UBXN8: variants seen among roughly 807,000 people sequenced by gnomAD.
UBXN8 encodes UBX domain protein 8, also known as UBX domain-containing protein 8.
A neutral mutation model predicts 32.1 loss-of-function variants in UBXN8; 27 were observed. The observed-to-expected ratio is 0.84, with a 90% confidence interval of 0.62 to 1.16. The LOEUF (loss-of-function observed/expected upper bound fraction) is 1.16. Among genes scored for constraint, UBXN8 ranks in the 50% most tolerant of loss-of-function variants. The pLI is 0.00. For synonymous variants in UBXN8, 109 were observed against 111.8 expected, an observed-to-expected ratio of 0.98 and a Z score of 0.16; for missense variants, 306 against 311.4, an observed-to-expected ratio of 0.98 and a Z score of 0.13.
chr8:30,736,028 TAAA>T (rs1805063517), intron 1 of UBXN8, among the ~76,000 whole-genome samples: 2 of 152,196 alleles, frequency 1.3e-5, no homozygotes, highest in Admixed American at 1.3e-4. Context: ...GGTTGCTCAA[TAAA>T]ATTTTTCATG....
chr8:30,760,436 TA>T (rs1260686806), intron 5 of UBXN8, among the ~76,000 whole-genome samples: 81 of 45,292 alleles, frequency 1.8e-3, no homozygotes, highest in African/African-American at 7.4e-3. Context: ...TATATATATA[TA>T]TATATATTTT....
At chr8:30,729,835 G>A (rs775969681), upstream of UBXN8, among the ~76,000 whole-genome samples, 2 of 152,202 alleles carry the variant, frequency 1.3e-5, no homozygotes, top group Non-Finnish European at 2.9e-5. Context: ...AAGGTAACTG[G>A]TAAGTCAGGA....
chr8:30,766,036 A>C (rs1457119738), intron 7 of UBXN8, among the ~76,000 whole-genome samples, 191 bp from the exon 8 acceptor site: 1 of 150,748 alleles, frequency 6.6e-6, no homozygotes, highest in African/African-American at 2.4e-5. Flanking sequence ...GAATATTCCT[A>C]TCTCTGAACT....
chr8:30,729,138 A>C (rs978780129), upstream of UBXN8, among the ~76,000 whole-genome samples: 2 of 152,196 alleles, frequency 1.3e-5, no homozygotes, highest in African/African-American at 4.8e-5. Context: ...GCAGCCCCTT[A>C]GGGGGCTTAG....
chr8:30,735,834 G>A lies in UBXN8; in HGVS notation c.622+2526G>A, dbSNP rs924531455. Among the ~76,000 whole-genome samples the A allele has an allele frequency of 3.3e-5, 5 of 152,148 alleles. No individual in the cohort carries two copies. The South Asian group carries it at 6.2e-4, about 19-fold the overall frequency. ...AGCCTGGGGGACAGAGTGAGACTCCGTTTCAAAACAAATAAACAAAAAAGT... is the reference window on the plus strand; with the variant it reads ...AGCCTGGGGGACAGAGTGAGACTCCATTTCAAAACAAATAAACAAAAAAGT... On this transcript the variant is annotated intron_variant, in intron 1 of 1. Transcript: ENST00000522968.
upstream of UBXN8, among the ~76,000 whole-genome samples, chr8:30,730,061 G>C (rs1004299584): frequency 1.3e-5 from 2 of 152,184 alleles, no homozygotes; most frequent in African/African-American, 4.8e-5. Flanking sequence ...CCCCTTACCA[G>C]GGAGAGAGGC....
chr8:30,766,498 A>C lies in UBXN8; in HGVS notation c.*104A>C. ...ATCACACTATACCTTGATTGAGCTC[A>C]TGGCAGTAAACTTTGAACATTGATA... On this transcript the variant is annotated 3_prime_UTR_variant, in exon 8 of 8. Coordinates refer to ENST00000265616, the MANE Select transcript of UBXN8 (RefSeq NM_005671.4). The C allele has an allele frequency of 9.8e-6, 12 of 1,229,128 alleles. No individual in the cohort carries two copies. The highest frequency in any genetic ancestry group is 1.8e-5 in the South Asian group (1 of 55,062). The allele number at this position is 1,229,128 out of a possible 1,614,324, so 76.1% of individuals were successfully genotyped here. A position where few individuals can be genotyped will look rare whatever the true frequency, so the allele number is the denominator to read the frequency against.
chr8:30,762,831 G>T (rs1471872739), intron 6 of UBXN8, among the ~76,000 whole-genome samples: 5 of 152,016 alleles, frequency 3.3e-5, no homozygotes, highest in Admixed American at 2.0e-4. Context: ...TTTCTTGACA[G>T]GTGAAAAATA....
In UBXN8 at chr8:30,756,847, C is replaced by G. The variant is rs1237258414; in HGVS notation, c.488C>G (p.Thr163Ser). Residue 163 changes from threonine to serine, a missense_variant, in exon 5 of 8, where the codon ACT becomes AGT. By Grantham distance (58) the Thr-to-Ser change is moderately conservative (BLOSUM62 1). Transcript: ENST00000265616. Reference protein sequence around the residue: ...AKSQNLPKPLTEFPSPAEQPT... With the variant: ...AKSQNLPKPLSEFPSPAEQPT... ...AGCCAGAACTTGCCTAAACCTTTAA[C>G]TGAATTTCCGTCTCCTGCTGAACAG... 4.3e-6 allele frequency: 7 copies of G among 1,614,002 alleles called. No individual in the cohort carries two copies. The highest frequency in any genetic ancestry group is 5.1e-6 in the Non-Finnish European group (6 of 1,179,894).
chr8:30,731,203 G>A (rs944129172), upstream of UBXN8, among the ~76,000 whole-genome samples: 1 of 152,200 alleles, frequency 6.6e-6, no homozygotes, highest in African/African-American at 2.4e-5. Context: ...TGGCAGAAGG[G>A]TTATTGGACT....
chr8:30,733,813 C>CTACATTT (rs1345690662), intron 1 of UBXN8: 4 of 152,218 alleles, frequency 2.6e-5, no homozygotes, highest in Non-Finnish European at 4.4e-5. Context: ...CAGCTAGGAA[C>CTACATTT]TACATTTTGA....
intron 1 of UBXN8, among the ~76,000 whole-genome samples, chr8:30,745,547 C>T (rs1186757858): frequency 6.6e-6 from 1 of 152,032 alleles, no homozygotes; most frequent in Non-Finnish European, 1.5e-5. Flanking sequence ...GAGTCAGATG[C>T]CTAGAAATGT....
intron 4 of UBXN8, chr8:30,756,319 C>G (rs1805659044): frequency 6.4e-6 from 1 of 156,700 alleles, no homozygotes; most frequent in Non-Finnish European, 1.4e-5. Flanking sequence ...TTTTGTATGT[C>G]TTTTTAGTAG....
chr8:30,744,550 G>T, intron 1 of UBXN8: 1 of 513,524 alleles, frequency 1.9e-6, no homozygotes, highest in African/African-American at 1.9e-5. Flanking sequence ...ACACTGAAAA[G>T]GAAATAAACA....
At chr8:30,735,522 C>T (rs764431658) in intron 1 of UBXN8, among the ~76,000 whole-genome samples, 1 of 152,030 alleles carries the variant, frequency 6.6e-6, no homozygotes, top group Non-Finnish European at 1.5e-5. Flanking sequence ...CACTGCACTC[C>T]AATCTGGGCA....
intron 5 of UBXN8, 91 bp from the exon 6 acceptor site, chr8:30,760,797 T>C (rs991514575): frequency 1.3e-6 from 1 of 744,880 alleles, no homozygotes. Flanking sequence ...CTTAGATGTG[T>C]GTCTAAACTC....
chr8:30,753,288 G>T (rs1447217336), intron 3 of UBXN8, among the ~76,000 whole-genome samples, 183 bp downstream of exon 3: 2 of 151,990 alleles, frequency 1.3e-5, no homozygotes, highest in Non-Finnish European at 2.9e-5. Context: ...ATGGAGTCTC[G>T]CTGTGTCACC....
intron 1 of UBXN8, among the ~76,000 whole-genome samples, chr8:30,735,699 C>G (rs973975166): frequency 6.6e-6 from 1 of 152,096 alleles, no homozygotes; most frequent in Non-Finnish European, 1.5e-5. Context: ...ATTAGCCAGG[C>G]ATGGTGGCAT....
intron 3 of UBXN8, chr8:30,754,424 A>G: frequency 1.7e-6 from 1 of 597,006 alleles, no homozygotes; most frequent in Non-Finnish European, 3.2e-6. Flanking sequence ...TGTTCCCAGC[A>G]TGAAAACCAC....
Sources: gnomAD v4.1 joint callset for allele counts (sites outside exome capture counted in the v4.1 genomes callset) on GRCh38, gnomAD v4.1.1 for gene constraint, MANE v1.5 for transcripts, NCBI Gene and HGNC (gene_info 2026-07-23, HGNC 2026-07-21) for gene names.